The following TASOR variants were observed in gnomAD, a reference collection of about 807,000 sequenced individuals.
TASOR encodes the protein protein TASOR.
A neutral mutation model predicts 178.6 loss-of-function variants in TASOR; 53 were observed. The observed-to-expected ratio is 0.30, with a 90% CI of 0.24 to 0.37. The LOEUF is 0.37. Among genes scored for constraint, TASOR ranks in the 10% least tolerant of loss-of-function variants. The pLI is 1.00. For missense variants in TASOR, 1,815 were observed against 1,971.4 expected, an observed-to-expected ratio of 0.92 and a Z score of 1.50; for synonymous variants, 713 against 696.2, an observed-to-expected ratio of 1.02 and a Z score of -0.38.
At chr3:56,631,805 A>T (rs1458015920) in intron 18 of TASOR, among the ~76,000 whole-genome samples, 2 of 151,912 alleles carry the variant, frequency 1.3e-5, no homozygotes, top group African/African-American at 4.8e-5. Flanking sequence ...GGATGGTCTC[A>T]ATCTCCTGAA....
intron 1 of TASOR, 146 bp from the exon 2 acceptor site, chr3:56,673,871 CTTA>C: frequency 4.5e-6 from 3 of 663,886 alleles, no homozygotes; most frequent in Non-Finnish European, 7.2e-6. Flanking sequence ...AAAAGAGATA[CTTA>C]TTAACTCATT....
Position 56,646,608 on chromosome 3 carries a change from A to C in TASOR, c.2129T>G (p.Leu710Trp). ...DTEDMRSKTVLKRKLEDLPEN... is the reference protein window; with the variant it reads ...DTEDMRSKTVWKRKLEDLPEN... ...AGGTAGATCCTCAAGCTTCCTCTTC[A>C]AGACAGTTTTGCTTCTCATATCTTC... The change falls in exon 14 of 24, where the codon TTG becomes TGG. Residue 710 changes from leucine (L) to tryptophan (W), a missense_variant. Physicochemically the swap from Leu to Trp is moderately conservative, Grantham distance 61. Transcript: ENST00000683822. The C allele has an allele frequency of 6.2e-7, 1 of 1,613,420 alleles. No individual in the cohort carries two copies. The highest frequency in any genetic ancestry group is 1.1e-5 in the South Asian group (1 of 91,048).
intron 18 of TASOR, among the ~76,000 whole-genome samples, chr3:56,631,866 AG>A (rs1209782506): frequency 3.3e-5 from 5 of 152,104 alleles, no homozygotes; most frequent in Non-Finnish European, 7.4e-5. Context: ...TACAGGCGTG[AG>A]CCACCACGCC....
chr3:56,634,659 T>C (rs1305211519), intron 17 of TASOR, among the ~76,000 whole-genome samples: 1 of 152,184 alleles, frequency 6.6e-6, no homozygotes, highest in Non-Finnish European at 1.5e-5. Context: ...TGTTTGGAAA[T>C]AATTCTAAAA....
chr3:56,673,429 T>C, intron 2 of TASOR, 151 bp downstream of exon 2: 1 of 508,042 alleles, frequency 2.0e-6, no homozygotes, highest in Non-Finnish European at 2.9e-6. Flanking sequence ...TGAAACTCCG[T>C]CTCCAAAAAA....
chr3:56,644,428 G>A (rs1225778175), intron 14 of TASOR, among the ~76,000 whole-genome samples: 4 of 152,080 alleles, frequency 2.6e-5, no homozygotes, highest in African/African-American at 4.8e-5. Context: ...AGAAAGCTGA[G>A]GAGAATATGA....
chr3:56,633,710 G>A lies in TASOR; in HGVS notation c.3081C>T (p.Leu1027=). 6.2e-7 allele frequency: 1 copy of A among 1,614,118 alleles called. No individual in the cohort carries two copies. Among genetic ancestry groups the A allele is most frequent in the Non-Finnish European group, 8.5e-7 (1 of 1,180,042 alleles). ...AAATCTCTTCTATCTTCCTAGAAAAGAGATTGTACTCTCCTAACACTGTCC... is the reference window on the plus strand; with the variant it reads ...AAATCTCTTCTATCTTCCTAGAAAAAAGATTGTACTCTCCTAACACTGTCC... The part of the protein sequence containing the change: ...TERTVLGEYN[L]FSRKIEEILK... The change falls in exon 18 of 24, where the codon CTC becomes CTT. Residue 1027 remains leucine (L), a synonymous_variant. Coordinates refer to ENST00000683822, the MANE Select transcript of TASOR (RefSeq NM_001365635.2).
intron 3 of TASOR, among the ~76,000 whole-genome samples, chr3:56,670,793 C>T (rs2030604589): frequency 6.6e-6 from 1 of 150,756 alleles, no homozygotes; most frequent in Admixed American, 6.6e-5. Flanking sequence ...AAAAAATTAG[C>T]CGGGTGCGGT....
At chr3:56,626,524 C>G (rs1185145515) in intron 21 of TASOR, among the ~76,000 whole-genome samples, 3 of 152,140 alleles carry the variant, frequency 2.0e-5, no homozygotes, top group African/African-American at 7.2e-5. Context: ...AGGTGGATCA[C>G]CTGAAGACAG....
intron 3 of TASOR, 42 bp downstream of exon 3, chr3:56,671,558 G>C: frequency 7.2e-7 from 1 of 1,389,280 alleles, no homozygotes; most frequent in Non-Finnish European, 9.8e-7. Flanking sequence ...ACTTACAATG[G>C]AAACATCCCC....
Position 56,670,015 on chromosome 3 carries a change from G to A in TASOR, c.643+58C>T, listed in dbSNP as rs2107627972. ...AACTGCAGTGAAATTACGAGACAAT[G>A]TATTTTTAGACAGCAACTTAGTAGT... On this transcript the variant is annotated intron_variant, in intron 4 of 23. Transcript: ENST00000683822. 3 of 1,166,990 alleles carry A rather than the reference G, an allele frequency of 2.6e-6. No homozygotes were observed. The East Asian group carries it at 7.7e-5, about 30-fold the overall frequency. The allele number at this position is 1,166,990 out of a possible 1,614,324, so 72.3% of individuals were successfully genotyped here. A position where few individuals can be genotyped will look rare whatever the true frequency, so the allele number is the denominator to read the frequency against.
Position 56,648,872 on chromosome 3 carries a change from C to G in TASOR, c.1463G>C (p.Arg488Pro). The G allele has an allele frequency of 1.2e-6, 2 of 1,611,794 alleles. No individual in the cohort carries two copies. The highest frequency in any genetic ancestry group is 8.5e-7 in the Non-Finnish European group (1 of 1,179,214). ...AAATAGAAACAAAGCATGTAGGACT[C>G]GAGACTTGGCAGTCTGATATTCTAA... is the stretch of plus-strand genomic sequence containing the variant. ...PPYEYQTAKS[R>P]VLHALFLFQE... The change falls in exon 13 of 24, where the codon CGA becomes CCA. Residue 488 changes from arginine to proline, a missense_variant. By Grantham distance (103) the Arg-to-Pro change is moderately radical. Around this residue, in one of 5 missense-constraint regions of TASOR, gnomAD observed 504 missense variants for 645.3 expected, o/e 0.78. Coordinates refer to ENST00000683822, the MANE Select transcript of TASOR (RefSeq NM_001365635.2).
intron 3 of TASOR, chr3:56,671,233 G>T: frequency 6.2e-6 from 1 of 161,616 alleles, no homozygotes; most frequent in Non-Finnish European, 1.3e-5. Context: ...CATGTACTTG[G>T]GAGGCTGAGG....
rs752938647 is a variant in TASOR at position 56,647,099 on chromosome 3, G to T, written c.1638C>A (p.Ser546Arg). Residue 546 changes from serine to arginine, a missense_variant, in exon 14 of 24, where the codon AGC (serine) becomes AGA (arginine). This residue lies in a region of TASOR where 504 missense variants were observed against 645.3 expected (regional missense o/e 0.78). Coordinates refer to ENST00000683822, the MANE Select transcript of TASOR (RefSeq NM_001365635.2). ...CAACAACAGAATGAAAATTTATGGCGCTTATATTTTTGAATTCCTTTCGAC... is the reference window on the plus strand; with the variant it reads ...CAACAACAGAATGAAAATTTATGGCTCTTATATTTTTGAATTCCTTTCGAC... Reference protein sequence around the residue: ...IQCRKEFKNISAINFHSVVEK... With the variant: ...IQCRKEFKNIRAINFHSVVEK... 2.5e-6 allele frequency: 4 copies of T among 1,604,896 alleles called. No individual in the cohort carries two copies. The highest frequency in any genetic ancestry group is 8.5e-7 in the Non-Finnish European group (1 of 1,178,008).
chr3:56,671,889 A>C (rs1356698442), intron 2 of TASOR, among the ~76,000 whole-genome samples, 197 bp from the exon 3 acceptor site: 1 of 152,140 alleles, frequency 6.6e-6, no homozygotes, highest in Non-Finnish European at 1.5e-5. Flanking sequence ...AGTCAAATAA[A>C]CATCTAATGC....
rs1353087411 is a variant in TASOR, at chr3:56,669,630, GCAT to G, written c.735+67_735+69del. The G allele has an allele frequency of 6.5e-6, 6 of 930,212 alleles. 1 individual carries two copies. The Admixed American group carries it at 1.0e-4, about 16-fold the overall frequency. 57.6% of individuals were successfully genotyped at this position (930,212 alleles called of 1,614,324 possible). A position where few individuals can be genotyped will look rare whatever the true frequency, so the allele number is the denominator to read the frequency against. ...ACTTTTAAACAATCTCCTAAAAACA[GCAT>G]CATCTAAAAATTAAAATCCAAATCA... On this transcript the variant is annotated intron_variant, in intron 5 of 23. Transcript: ENST00000683822.
At position 56,657,345 on chromosome 3, in the gene TASOR, A is replaced by G. The variant is rs994595580; in HGVS notation, c.1368+3386T>C. 3.3e-5 allele frequency among the ~76,000 whole-genome samples: 5 copies of G among 151,198 alleles called. 1 individual carries two copies. The highest frequency in any genetic ancestry group is 1.3e-4 in the Admixed American group (2 of 15,176). ...CTGTCTCGAAAAAAAAAAAAAAAAA[A>G]GTCAATATAATCTTATTTCGTGTAT... On this transcript the variant is annotated intron_variant, in intron 11 of 23. Coordinates refer to ENST00000683822, the MANE Select transcript of TASOR (RefSeq NM_001365635.2).
At chr3:56,654,407 G>A (rs1240746743) in intron 11 of TASOR, among the ~76,000 whole-genome samples, 1 of 151,822 alleles carries the variant, frequency 6.6e-6, no homozygotes, top group Non-Finnish European at 1.5e-5. Context: ...CGGGGTTGGG[G>A]GGTGGTAGTT....
chr3:56,666,272 A>G lies in TASOR; in HGVS notation c.1010T>C (p.Val337Ala). 6.5e-7 allele frequency: 1 copy of G among 1,540,094 alleles called. No homozygotes were observed. The highest frequency in any genetic ancestry group is 8.8e-7 in the Non-Finnish European group (1 of 1,142,792). The change falls in exon 7 of 24, where the codon GTA becomes GCA. Residue 337 changes from valine (V) to alanine (A), a missense_variant. This residue lies in a region of TASOR where 504 missense variants were observed against 645.3 expected (regional missense o/e 0.78). Transcript: ENST00000683822. ...TCCTAAGTCTTACCTTGATGAAGGT[A>G]CAAACTTCGGAGTTTGTATATCATC... ...YKDDIQTPKF[V>A]PSSRSNSFNT...
Sources: allele counts gnomAD v4.1 joint callset (sites outside exome capture counted in the v4.1 genomes callset), GRCh38; gene constraint gnomAD v4.1.1; regional missense constraint gnomAD v4.1.1; transcripts MANE v1.5; gene names NCBI Gene and HGNC (gene_info 2026-07-23, HGNC 2026-07-21).